The following ARL15 variants were observed in gnomAD, a reference collection of about 807,000 sequenced individuals.
ARL15 encodes the protein ARF like GTPase 15.
Under a neutral mutation model 25.2 loss-of-function variants are expected in ARL15, and 19 were observed. The observed-to-expected ratio is 0.75, with a 90% confidence interval of 0.53 to 1.10. ARL15 has a LOEUF of 1.10. Among genes scored for constraint, ARL15 ranks in the 50% least tolerant of loss-of-function variants. The pLI, the probability that ARL15 is intolerant of heterozygous loss-of-function variation, is 0.00. For synonymous variants in ARL15, 94 were observed against 86.8 expected, an observed-to-expected ratio of 1.08 and a Z score of -0.46; for missense variants, 220 against 246.0, an observed-to-expected ratio of 0.89 and a Z score of 0.71.
intron 4 of ARL15, among the ~76,000 whole-genome samples, chr5:53,977,048 A>G (rs532754588): frequency 6.6e-6 from 1 of 152,182 alleles, no homozygotes; most frequent in Non-Finnish European, 1.5e-5. Context: ...TAGGAAATTC[A>G]AGGCATAGGT....
chr5:54,108,473 T>C (rs1752650224), intron 4 of ARL15, among the ~76,000 whole-genome samples: 1 of 152,140 alleles, frequency 6.6e-6, no homozygotes, highest in Non-Finnish European at 1.5e-5. Context: ...TTAGAGTATA[T>C]GACACTTTCC....
At chr5:54,063,041 C>T (rs1751114860) in intron 4 of ARL15, among the ~76,000 whole-genome samples, 1 of 152,190 alleles carries the variant, frequency 6.6e-6, no homozygotes, top group Non-Finnish European at 1.5e-5. Flanking sequence ...CACAATAATG[C>T]TTTCACAGTA....
chr5:54,083,044 T>C (rs995745840), intron 4 of ARL15, among the ~76,000 whole-genome samples: 4 of 152,164 alleles, frequency 2.6e-5, no homozygotes, highest in African/African-American at 4.8e-5. Flanking sequence ...AAGAAAAATA[T>C]GTAAGCAAAT....
chr5:53,897,814 A>G (rs1744923502), intron 4 of ARL15, among the ~76,000 whole-genome samples: 2 of 152,202 alleles, frequency 1.3e-5, no homozygotes, highest in Non-Finnish European at 2.9e-5. Context: ...TTGTTAGTAC[A>G]GTTGATCCTT....
chr5:53,983,898 G>A (rs938915337), intron 4 of ARL15, among the ~76,000 whole-genome samples: 1 of 152,030 alleles, frequency 6.6e-6, no homozygotes, highest in African/African-American at 2.4e-5. Flanking sequence ...CCCACCACAG[G>A]CCATCCAGTC....
intron 1 of ARL15, among the ~76,000 whole-genome samples, chr5:54,206,635 A>C (rs1383261526): frequency 1.3e-5 from 2 of 152,110 alleles, no homozygotes; most frequent in African/African-American, 4.8e-5. Flanking sequence ...TTAGCCAGAC[A>C]AAAAAAATGA....
intron 4 of ARL15, among the ~76,000 whole-genome samples, chr5:53,902,609 C>G (rs1470475680): frequency 6.6e-6 from 1 of 152,198 alleles, no homozygotes; most frequent in Non-Finnish European, 1.5e-5. Flanking sequence ...GGTACTATGG[C>G]AGCACTCTGT....
chr5:54,058,802 G>A lies in ARL15; in HGVS notation c.462+54400C>T, dbSNP rs541952686. ...CCACAGGAGAGTCTTGAACAGAGGA[G>A]TGATATCATCTAACTACAGTTTCAA... On this transcript the variant is annotated intron_variant, in intron 4 of 4. Coordinates refer to ENST00000504924, the MANE Select transcript of ARL15 (RefSeq NM_019087.3). Among the ~76,000 whole-genome samples the A allele has an allele frequency of 2.0e-5, 3 of 152,262 alleles. No homozygotes were observed. In the South Asian group the frequency reaches 6.2e-4, roughly 32 times the overall value.
At chr5:53,916,660 T>C (rs1193631235) in intron 4 of ARL15, among the ~76,000 whole-genome samples, 1 of 152,124 alleles carries the variant, frequency 6.6e-6, no homozygotes, top group Non-Finnish European at 1.5e-5. Context: ...ACAGCTAATC[T>C]AGAATATTCT....
At chr5:54,228,766 G>A (rs980025922) in intron 1 of ARL15, among the ~76,000 whole-genome samples, 2 of 152,066 alleles carry the variant, frequency 1.3e-5, no homozygotes, top group Admixed American at 6.5e-5. Flanking sequence ...AGAAAACTGC[G>A]CTAGTCTCAT....
At chr5:54,188,432 C>T (rs79343831) in intron 1 of ARL15, among the ~76,000 whole-genome samples, 37 of 152,234 alleles carry the variant, frequency 2.4e-4, no homozygotes, top group African/African-American at 8.7e-4. Context: ...CTTATCTCCC[C>T]ATGGCTCTTC....
intron 4 of ARL15, among the ~76,000 whole-genome samples, chr5:53,889,264 T>G (rs925169947): frequency 9.9e-5 from 15 of 152,180 alleles, no homozygotes; most frequent in Admixed American, 9.2e-4. Context: ...TGGATTAAAA[T>G]AATCACAAAG....
intron 1 of ARL15, among the ~76,000 whole-genome samples, chr5:54,208,294 G>A (rs1470015913): frequency 1.3e-5 from 2 of 152,082 alleles, no homozygotes; most frequent in Non-Finnish European, 2.9e-5. Flanking sequence ...CGTCTAAGAA[G>A]TCATTAATAT....
At chr5:54,010,274 G>A (rs1282232661) in intron 4 of ARL15, among the ~76,000 whole-genome samples, 1 of 152,144 alleles carries the variant, frequency 6.6e-6, no homozygotes, top group Non-Finnish European at 1.5e-5. Flanking sequence ...AAGTGTCAAA[G>A]CAATGACAAT....
intron 3 of ARL15, 78 bp from the exon 4 acceptor site, chr5:54,113,488 T>C (rs747796027): frequency 1.5e-6 from 2 of 1,319,662 alleles, no homozygotes; most frequent in African/African-American, 2.9e-5. Flanking sequence ...TAATTCCTAC[T>C]GGAAACCAAT....
intron 4 of ARL15, among the ~76,000 whole-genome samples, chr5:53,954,512 G>A (rs536788740): frequency 3.9e-5 from 6 of 152,118 alleles, no homozygotes; most frequent in Admixed American, 2.0e-4. Context: ...ATGTCCCTGC[G>A]TTTCCCACTT....
chr5:53,932,279 A>G (rs999020010), intron 4 of ARL15, among the ~76,000 whole-genome samples: 1 of 152,240 alleles, frequency 6.6e-6, no homozygotes, highest in Non-Finnish European at 1.5e-5. Flanking sequence ...GGGGAAGGTG[A>G]GAGAAGGCAG....
At chr5:53,891,097 A>C (rs1403054949) in intron 4 of ARL15, among the ~76,000 whole-genome samples, 1 of 152,228 alleles carries the variant, frequency 6.6e-6, no homozygotes, top group East Asian at 1.9e-4. Flanking sequence ...AACTTCAATA[A>C]CAAGTCTTTC....
Position 53,910,633 on chromosome 5 carries a change from TTATA to T in ARL15, c.463-23924_463-23921del, listed in dbSNP as rs70986649. 4.2e-3 allele frequency among the ~76,000 whole-genome samples: 231 copies of T among 54,938 alleles called. 8 individuals carry two copies. The East Asian group carries it at 0.085, about 20-fold the overall frequency. The allele number at this position is 54,938 out of a possible 152,430, so 36.0% of individuals were successfully genotyped here. A position where few individuals can be genotyped will look rare whatever the true frequency, so the allele number is the denominator to read the frequency against. ...GAACTTAAAGTATAATAAAAAAAAATTATATATATATATATATATATATATATAT... is the reference window on the plus strand; with the variant it reads ...GAACTTAAAGTATAATAAAAAAAAATTATATATATATATATATATATATAT... On this transcript the variant is annotated intron_variant, in intron 4 of 4. Transcript: ENST00000504924.
Sources: gnomAD v4.1 joint callset for allele counts (sites outside exome capture counted in the v4.1 genomes callset) on GRCh38, gnomAD v4.1.1 for gene constraint, MANE v1.5 for transcripts, NCBI Gene and HGNC (gene_info 2026-07-23, HGNC 2026-07-21) for gene names.